The following SLC8A1 variants were observed in gnomAD, a reference collection of about 807,000 sequenced individuals.
SLC8A1 encodes sodium/calcium exchanger 1.
Under a neutral mutation model 68.3 loss-of-function variants are expected in SLC8A1, and 18 were observed. That is an observed-to-expected ratio of 0.26 (90% CI 0.18 to 0.39). SLC8A1 has a LOEUF of 0.39. SLC8A1 is among the 10% of genes least tolerant of loss of function. The pLI, the probability that SLC8A1 is intolerant of heterozygous loss-of-function variation, is 1.00. For missense variants in SLC8A1, 985 were observed against 1,156.7 expected (o/e 0.85, Z 2.15); for synonymous variants, 475 against 415.5 (o/e 1.14, Z -1.74).
chr2:40,451,647 G>A (rs1173974164), intron 1 of SLC8A1, among the ~76,000 whole-genome samples: 2 of 151,574 alleles, frequency 1.3e-5, no homozygotes, highest in Non-Finnish European at 2.9e-5. Context: ...AGGCAGGCAG[G>A]CACCCTCACG....
chr2:40,421,853 G>C (rs892268239), intron 2 of SLC8A1, among the ~76,000 whole-genome samples: 3 of 152,194 alleles, frequency 2.0e-5, no homozygotes, highest in Non-Finnish European at 2.9e-5. Context: ...CCCTGGCTTG[G>C]CTCAACCTTT....
At chr2:40,495,201 C>T (rs1297964703) in intron 1 of SLC8A1, among the ~76,000 whole-genome samples, 1 of 152,016 alleles carries the variant, frequency 6.6e-6, no homozygotes, top group Non-Finnish European at 1.5e-5. Flanking sequence ...ATATGATTAT[C>T]TGAGTCACAA....
At chr2:40,400,565 G>T (rs1242309312) in intron 2 of SLC8A1, among the ~76,000 whole-genome samples, 3 of 152,074 alleles carry the variant, frequency 2.0e-5, no homozygotes, top group Admixed American at 2.0e-4. Flanking sequence ...AAACTTTCAT[G>T]GATCACATGA....
chr2:40,232,740 T>G (rs1446711087), intron 2 of SLC8A1, among the ~76,000 whole-genome samples: 4 of 49,828 alleles, frequency 8.0e-5, no homozygotes, highest in African/African-American at 2.3e-4. Context: ...CCCAGTGCTA[T>G]CCCTCCCCCC....
intron 2 of SLC8A1, among the ~76,000 whole-genome samples, chr2:40,400,883 C>A (rs528451712): frequency 1.3e-5 from 2 of 152,124 alleles, no homozygotes; most frequent in African/African-American, 4.8e-5. Context: ...TAAGCAAAGG[C>A]AGGAAATGGG....
intron 2 of SLC8A1, among the ~76,000 whole-genome samples, chr2:40,345,861 G>C (rs1039327376): frequency 6.6e-6 from 1 of 151,928 alleles, no homozygotes; most frequent in Non-Finnish European, 1.5e-5. Flanking sequence ...GAGGGCAAGG[G>C]GAGGGAGAGC....
intron 2 of SLC8A1, among the ~76,000 whole-genome samples, chr2:40,237,517 T>C (rs1194027510): frequency 6.6e-6 from 1 of 151,922 alleles, no homozygotes; most frequent in Non-Finnish European, 1.5e-5. Context: ...TAAATTTTTT[T>C]CAAAGTTTTC....
intron 1 of SLC8A1, among the ~76,000 whole-genome samples, chr2:40,444,060 G>C (rs867833220): frequency 6.6e-6 from 1 of 152,260 alleles, no homozygotes; most frequent in Middle Eastern, 3.4e-3. Context: ...ATCTAGGCCA[G>C]GTACAGTAGC....
intron 2 of SLC8A1, among the ~76,000 whole-genome samples, chr2:40,417,234 G>A (rs1469967602): frequency 1.3e-5 from 2 of 151,998 alleles, no homozygotes; most frequent in Admixed American, 6.6e-5. Flanking sequence ...TGCATGTCAT[G>A]GGGGTTTGGT....
At chr2:40,410,397 G>A (rs1038354259) in intron 2 of SLC8A1, among the ~76,000 whole-genome samples, 9 of 152,176 alleles carry the variant, frequency 5.9e-5, no homozygotes, top group Admixed American at 4.6e-4. Context: ...TTTCCAGATA[G>A]TGACTGGTAA....
intron 1 of SLC8A1, among the ~76,000 whole-genome samples, chr2:40,461,708 A>G (rs1431025632): frequency 2.6e-5 from 4 of 152,192 alleles, no homozygotes; most frequent in African/African-American, 9.6e-5. Context: ...CATTTAATCA[A>G]GTCTTTTTGT....
exon 8 of SLC8A1, chr2:40,103,814 G>A (rs756264099): frequency 1.3e-5 from 2 of 152,170 alleles, no homozygotes; most frequent in African/African-American, 4.8e-5. Context: ...CAAAATAAAT[G>A]TTTATATTTC....
intron 1 of SLC8A1, among the ~76,000 whole-genome samples, chr2:40,499,042 A>G (rs1705887776): frequency 6.6e-6 from 1 of 152,126 alleles, no homozygotes; most frequent in Admixed American, 6.6e-5. Flanking sequence ...AGAATAGACT[A>G]AAGAAACTGG....
intron 2 of SLC8A1, among the ~76,000 whole-genome samples, chr2:40,322,351 T>C: frequency 6.6e-6 from 1 of 151,942 alleles, no homozygotes; most frequent in Non-Finnish European, 1.5e-5. Flanking sequence ...GACACCATAA[T>C]TTTCTCACAT....
intron 2 of SLC8A1, among the ~76,000 whole-genome samples, chr2:40,364,165 G>C (rs1238099775): frequency 6.6e-6 from 1 of 151,986 alleles, no homozygotes; most frequent in Non-Finnish European, 1.5e-5. Context: ...TATTTTTAAA[G>C]AAGTATCAGA....
intron 3 of SLC8A1, chr2:40,175,271 C>T (rs1387440113): frequency 6.2e-7 from 1 of 1,613,094 alleles, no homozygotes; most frequent in East Asian, 2.2e-5. Context: ...CAAGCTCATT[C>T]AATAACAGGG....
At chr2:40,508,750 T>G (rs565528085) in intron 1 of SLC8A1, among the ~76,000 whole-genome samples, 1 of 152,184 alleles carries the variant, frequency 6.6e-6, no homozygotes, top group Non-Finnish European at 1.5e-5. Flanking sequence ...TACATTTTTT[T>G]CCTAATCTTC....
At chr2:40,441,501 G>A (rs997497061) in intron 1 of SLC8A1, among the ~76,000 whole-genome samples, 2 of 151,936 alleles carry the variant, frequency 1.3e-5, no homozygotes, top group Non-Finnish European at 2.9e-5. Flanking sequence ...CACACTACCT[G>A]ACTTCAAACT....
intron 2 of SLC8A1, among the ~76,000 whole-genome samples, chr2:40,248,990 G>A (rs2062305167): frequency 6.6e-6 from 1 of 152,034 alleles, no homozygotes; most frequent in Non-Finnish European, 1.5e-5. Flanking sequence ...TTATTTCTAG[G>A]GACATTCATT....
Sources: allele counts gnomAD v4.1 joint callset (sites outside exome capture counted in the v4.1 genomes callset), GRCh38; gene constraint gnomAD v4.1.1; transcripts MANE v1.5; gene names NCBI Gene and HGNC (gene_info 2026-07-23, HGNC 2026-07-21).